Variants in EI24 observed in about 807,000 individuals in gnomAD.
EI24 encodes the protein EI24 autophagy associated transmembrane protein.
EI24 carries 21 observed loss-of-function variants against 48.6 expected under a neutral mutation model. The ratio of observed to expected loss-of-function variants is 0.43; its 90% CI spans 0.31 to 0.62. EI24 has a LOEUF of 0.62. EI24 is among the 20% of genes least tolerant of loss of function. The probability of loss-of-function intolerance (pLI) is 0.10; values close to 1 mark genes in which losing one functional copy is unlikely to be tolerated. For missense variants in EI24, 280 were observed against 410.5 expected (o/e 0.68, Z 2.75); for synonymous variants, 114 against 145.5 (o/e 0.78, Z 1.56).
rs1337142630 is a variant in EI24 at position 125,584,324 on chromosome 11, G to C, written c.*641G>C. On this transcript the variant is annotated 3_prime_UTR_variant, in exon 11 of 11. Coordinates refer to ENST00000278903, the MANE Select transcript of EI24 (RefSeq NM_004879.5). The stretch of plus-strand genomic sequence containing the variant: ...CCAGATCTGCTGGGTTTTGAGGAGT[G>C]ATTTTCTTTCTTCCCCTTGAAGGGG... 1.4e-5 allele frequency: 2 copies of C among 144,422 alleles called. No individual in the cohort carries two copies. The highest frequency in any genetic ancestry group is 1.4e-4 in the Admixed American group (2 of 14,418). The allele number at this position is 144,422 out of a possible 1,614,324, so 8.9% of individuals were successfully genotyped here.
chr11:125,583,019 T>A (rs1939078007), intron 10 of EI24, among the ~76,000 whole-genome samples: 1 of 152,226 alleles, frequency 6.6e-6, no homozygotes, highest in Non-Finnish European at 1.5e-5. Context: ...AAAGTTAATC[T>A]AAAATATAAC....
intron 7 of EI24, 117 bp from the exon 8 acceptor site, chr11:125,579,976 T>G: frequency 1.2e-6 from 1 of 836,506 alleles, no homozygotes. Context: ...CACTCGGCCT[T>G]TTAGAAACTT....
intron 9 of EI24, among the ~76,000 whole-genome samples, chr11:125,582,039 A>G (rs1405533810): frequency 6.6e-6 from 1 of 151,858 alleles, no homozygotes; most frequent in African/African-American, 2.4e-5. Context: ...CTCTACTGAA[A>G]ATACAAAAAT....
intron 10 of EI24, among the ~76,000 whole-genome samples, chr11:125,583,303 C>T (rs767272453): frequency 3.9e-5 from 6 of 152,120 alleles, no homozygotes; most frequent in Non-Finnish European, 5.9e-5. Flanking sequence ...TTCAGCCTCC[C>T]AAAGTGCTGG....
intron 1 of EI24, among the ~76,000 whole-genome samples, chr11:125,571,204 C>T (rs1459302186): frequency 1.2e-4 from 18 of 152,172 alleles, no homozygotes; most frequent in Admixed American, 1.2e-3. Flanking sequence ...AAGGTTTGTA[C>T]AAGCTGCTTG....
Position 125,572,502 on chromosome 11 carries a change from G to A in EI24, c.-26G>A. The A allele has an allele frequency of 6.2e-7, 1 of 1,612,294 alleles. No individual in the cohort carries two copies. Among genetic ancestry groups the A allele is most frequent in the South Asian group, 1.1e-5 (1 of 90,916 alleles). The stretch of plus-strand genomic sequence containing the variant: ...TTGGGGACACTTCTCTCTCCTGTGT[G>A]TAGTTGATAGTTTGGTGGTGAAGAG... On this transcript the variant is annotated 5_prime_UTR_variant, in exon 2 of 11. Transcript: ENST00000278903.
chr11:125,577,470 T>G, intron 4 of EI24, 34 bp from the exon 5 acceptor site: 1 of 1,581,974 alleles, frequency 6.3e-7, no homozygotes, highest in Non-Finnish European at 8.7e-7. Flanking sequence ...AAAGACTGGA[T>G]TTTGATGTTT....
chr11:125,581,519 C>T (rs946671941), intron 9 of EI24, among the ~76,000 whole-genome samples, 197 bp downstream of exon 9: 5 of 146,266 alleles, frequency 3.4e-5, no homozygotes, highest in Admixed American at 6.9e-5. Flanking sequence ...TTCTATGTTG[C>T]CTCCTGAAGC....
Position 125,583,804 on chromosome 11 carries a change from T to C in EI24, c.*121T>C. ...GCTCTGCCAAGGGCCCTCTGCGTAT[T>C]CCCTTCTCTCTGAGGAATTGAAATT... On this transcript the variant is annotated 3_prime_UTR_variant, in exon 11 of 11. Transcript: ENST00000278903. 3 of 1,360,176 alleles carry C rather than the reference T, an allele frequency of 2.2e-6. No individual in the cohort carries two copies. The highest frequency in any genetic ancestry group is 2.0e-4 in the Middle Eastern group (1 of 5,060). 84.3% of individuals were successfully genotyped at this position (1,360,176 alleles called of 1,614,324 possible). A position where few individuals can be genotyped will look rare whatever the true frequency, so the allele number is the denominator to read the frequency against.
intron 3 of EI24, 27 bp downstream of exon 3, chr11:125,575,435 ATG>A (rs748021919): frequency 1.3e-6 from 2 of 1,543,584 alleles, no homozygotes; most frequent in Non-Finnish European, 1.8e-6. Flanking sequence ...TGATATCAAA[ATG>A]TCCAAGGGAG....
chr11:125,583,196 G>C (rs1308277789), intron 10 of EI24, among the ~76,000 whole-genome samples: 1 of 152,100 alleles, frequency 6.6e-6, no homozygotes, highest in Non-Finnish European at 1.5e-5. Context: ...CGCCTACCAG[G>C]TTCAAGCGAT....
At chr11:125,581,537 CTTTTTTTT>C (rs33956827) in intron 9 of EI24, among the ~76,000 whole-genome samples, 16 of 50,748 alleles carry the variant, frequency 3.2e-4, no homozygotes, top group Non-Finnish European at 4.4e-4. Context: ...AGCAATTATT[CTTTTTTTT>C]TTTTTTTTTT....
intron 9 of EI24, 132 bp downstream of exon 9, chr11:125,581,454 C>A (rs953566408): frequency 5.5e-5 from 21 of 381,734 alleles, no homozygotes; most frequent in Non-Finnish European, 9.7e-5. Context: ...CAGGGTATTT[C>A]TACATTTGTT....
intron 6 of EI24, among the ~76,000 whole-genome samples, chr11:125,578,480 C>CTTTT (rs370986926): frequency 9.9e-4 from 84 of 84,678 alleles, no homozygotes; most frequent in East Asian, 1.5e-3. Context: ...TTCGTTTTGG[C>CTTTT]TTTTTTTTTT....
At chr11:125,573,943 A>G (rs1417157974) in intron 2 of EI24, among the ~76,000 whole-genome samples, 1 of 151,750 alleles carries the variant, frequency 6.6e-6, no homozygotes, top group African/African-American at 2.4e-5. Flanking sequence ...TAGCCTCCCA[A>G]AGTGCTAGGA....
chr11:125,576,422 C>A, intron 4 of EI24, 107 bp downstream of exon 4: 3 of 963,378 alleles, frequency 3.1e-6, no homozygotes, highest in Non-Finnish European at 4.8e-6. Flanking sequence ...TTTTCATCTG[C>A]TGATGTACAC....
intron 5 of EI24, 143 bp from the exon 6 acceptor site, chr11:125,577,990 C>G (rs1338618914): frequency 2.2e-6 from 2 of 927,806 alleles, no homozygotes; most frequent in Non-Finnish European, 3.2e-6. Flanking sequence ...GAGTTAGACT[C>G]TTTGAGATAG....
chr11:125,579,562 G>A (rs1938904844), intron 7 of EI24, among the ~76,000 whole-genome samples: 1 of 152,092 alleles, frequency 6.6e-6, no homozygotes, highest in Non-Finnish European at 1.5e-5. Context: ...AGCTACTCGG[G>A]AAGCTGAGGC....
Position 125,578,073 on chromosome 11 carries a change from G to A in EI24, c.317-60G>A, listed in dbSNP as rs191070639. On this transcript the variant is annotated intron_variant, in intron 5 of 10. Transcript: ENST00000278903. ...AGAATAGTCACGAGATGGGGGTTCC[G>A]CATTTGGTCTTCTGGATTTCCATTT... The A allele has an allele frequency of 7.5e-5, 120 of 1,604,282 alleles. 1 individual carries two copies. The highest frequency in any genetic ancestry group is 5.5e-4 in the African/African-American group (41 of 74,740).
Sources: gnomAD v4.1 joint callset for allele counts (sites outside exome capture counted in the v4.1 genomes callset) on GRCh38, gnomAD v4.1.1 for gene constraint, MANE v1.5 for transcripts, NCBI Gene and HGNC (gene_info 2026-07-23, HGNC 2026-07-21) for gene names.